Variants in LRRC63 observed in about 807,000 individuals in gnomAD.
LRRC63 encodes the protein leucine rich repeat containing 63, also known as leucine-rich repeat-containing protein 63.
LRRC63 carries 40 observed loss-of-function variants against 49.5 expected under a neutral mutation model. The observed-to-expected ratio is 0.81, with a 90% confidence interval of 0.63 to 1.05. The LOEUF (loss-of-function observed/expected upper bound fraction) is 1.05. Ranked by LOEUF, LRRC63 falls within the 50% of genes least tolerant of loss-of-function variation. The pLI is 0.00. For synonymous variants in LRRC63, 191 were observed against 221.1 expected (o/e 0.86, Z 1.21); for missense variants, 636 against 663.1 (o/e 0.96, Z 0.45).
At chr13:46,262,049 T>C (rs1276230363) in intron 8 of LRRC63, 57 bp downstream of exon 8, 1 of 526,758 alleles carries the variant, frequency 1.9e-6, no homozygotes, top group Non-Finnish European at 3.0e-6. Flanking sequence ...TTAATAATGA[T>C]TGTGATAGAG....
At chr13:46,270,294 A>G in intron 9 of LRRC63, 1 of 835,520 alleles carries the variant, frequency 1.2e-6, no homozygotes, top group Non-Finnish European at 2.1e-6. Context: ...ATCAGTCCCA[A>G]CTGTAGCAGA....
intron 4 of LRRC63, among the ~76,000 whole-genome samples, chr13:46,231,368 C>T (rs11841809): frequency 0.05 from 7,535 of 152,172 alleles, 382 homozygotes; most frequent in African/African-American, 0.13. Flanking sequence ...GCTATACAAG[C>T]GTAGTTATGG....
chr13:46,265,058 A>T (rs954959761), intron 8 of LRRC63, among the ~76,000 whole-genome samples: 5 of 152,092 alleles, frequency 3.3e-5, no homozygotes, highest in Admixed American at 3.3e-4. Context: ...TACTCGTGAG[A>T]CTGAGTCAGG....
chr13:46,213,240 C>G lies in LRRC63; in HGVS notation c.85+121C>G, dbSNP rs1172639241. On this transcript the variant is annotated intron_variant, in intron 2 of 9. Transcript: ENST00000595396. ...CTAATAACTTACAAATGTTTGTTGT[C>G]AGGTGATAACATCCAATTCAATTCC... 9 of 611,652 alleles carry G rather than the reference C, an allele frequency of 1.5e-5. No homozygotes were observed. The Admixed American group carries it at 2.1e-4, about 14-fold the overall frequency. The allele number at this position is 611,652 out of a possible 1,614,324, so 37.9% of individuals were successfully genotyped here.
intron 2 of LRRC63, among the ~76,000 whole-genome samples, chr13:46,219,153 G>C (rs2046336531): frequency 6.6e-6 from 1 of 152,114 alleles, no homozygotes; most frequent in Non-Finnish European, 1.5e-5. Context: ...GGTCTGTCTT[G>C]CTAGGTTGGG....
intron 5 of LRRC63, among the ~76,000 whole-genome samples, chr13:46,234,929 T>C (rs1325027713): frequency 6.6e-6 from 1 of 152,160 alleles, no homozygotes; most frequent in African/African-American, 2.4e-5. Context: ...TAAGTTTTAT[T>C]TTGAAATAAG....
intron 7 of LRRC63, among the ~76,000 whole-genome samples, chr13:46,251,790 G>A (rs751684899): frequency 6.6e-6 from 1 of 151,518 alleles, no homozygotes; most frequent in Non-Finnish European, 1.5e-5. Context: ...ATTCCTACTG[G>A]ATAATCTATA....
chr13:46,232,064 C>T (rs1248434625), intron 4 of LRRC63, among the ~76,000 whole-genome samples: 1 of 151,960 alleles, frequency 6.6e-6, no homozygotes, highest in Non-Finnish European at 1.5e-5. Flanking sequence ...ATCCGCCGGC[C>T]TCGGCCTCCC....
At chr13:46,241,452 A>C (rs2047060290) in intron 5 of LRRC63, among the ~76,000 whole-genome samples, 1 of 152,220 alleles carries the variant, frequency 6.6e-6, no homozygotes, top group Admixed American at 6.5e-5. Context: ...CAATTGCAAC[A>C]AAAGCAAAAA....
chr13:46,234,418 T>C, intron 5 of LRRC63, 69 bp downstream of exon 5: 2 of 1,434,886 alleles, frequency 1.4e-6, no homozygotes, highest in Non-Finnish European at 1.9e-6. Flanking sequence ...AATTTCCCAA[T>C]ATAGATTAGT....
chr13:46,212,644 G>GA (rs1306722635), intron 1 of LRRC63, among the ~76,000 whole-genome samples: 2 of 151,802 alleles, frequency 1.3e-5, no homozygotes, highest in Admixed American at 6.5e-5. Context: ...TGGAGAGAGA[G>GA]AAAAAAAATG....
rs548186675 is a variant in LRRC63, at chr13:46,216,438, G to A, written c.85+3319G>A. 9.9e-5 allele frequency among the ~76,000 whole-genome samples: 15 copies of A among 152,282 alleles called. No individual in the cohort carries two copies. The South Asian group carries it at 2.7e-3, about 27-fold the overall frequency. On this transcript the variant is annotated intron_variant, in intron 2 of 9. Transcript: ENST00000595396. ...CTGTTTGTCTGTTATTGGTGTATAC[G>A]AATGCCTGTGATTTTTACACATTGA... is the stretch of plus-strand genomic sequence containing the variant.
intron 2 of LRRC63, among the ~76,000 whole-genome samples, chr13:46,224,234 C>T (rs1235379729): frequency 1.3e-5 from 2 of 152,134 alleles, no homozygotes; most frequent in Non-Finnish European, 2.9e-5. Context: ...TATCACAAAG[C>T]CTTTGCGGAT....
At chr13:46,234,087 G>A (rs772669780) in intron 4 of LRRC63, 105 bp from the exon 5 acceptor site, 1 of 1,068,380 alleles carries the variant, frequency 9.4e-7, no homozygotes, top group Non-Finnish European at 1.3e-6. Context: ...GTACACTTAA[G>A]TCCTTAGGGT....
chr13:46,220,650 G>GAAAA (rs11441080), intron 2 of LRRC63, among the ~76,000 whole-genome samples: 2 of 139,356 alleles, frequency 1.4e-5, no homozygotes. Context: ...ACTGGGGTAT[G>GAAAA]AAAAAAAAAA....
chr13:46,234,287 G>A, exon 5 of LRRC63: 1 of 1,550,274 alleles, frequency 6.5e-7, no homozygotes, highest in Non-Finnish European at 8.7e-7. Flanking sequence ...AACAATAACA[G>A]CCATGACCAA....
At chr13:46,215,751 T>A (rs1298023550) in intron 2 of LRRC63, among the ~76,000 whole-genome samples, 5 of 152,200 alleles carry the variant, frequency 3.3e-5, no homozygotes, top group African/African-American at 1.2e-4. Flanking sequence ...TGGTTTTAGG[T>A]CTTACATTTA....
chr13:46,249,562 G>T (rs572122188), intron 6 of LRRC63, among the ~76,000 whole-genome samples: 3 of 151,800 alleles, frequency 2.0e-5, no homozygotes, highest in Non-Finnish European at 2.9e-5. Flanking sequence ...CACAAGAAAG[G>T]TCTTTAGAAA....
At chr13:46,220,004 T>G (rs1476594719) in intron 2 of LRRC63, among the ~76,000 whole-genome samples, 1 of 152,182 alleles carries the variant, frequency 6.6e-6, no homozygotes, top group Non-Finnish European at 1.5e-5. Context: ...ACCCACCAGA[T>G]GCCAGCTGGA....
Sources: allele counts gnomAD v4.1 joint callset (sites outside exome capture counted in the v4.1 genomes callset), GRCh38; gene constraint gnomAD v4.1.1; transcripts MANE v1.5; gene names NCBI Gene and HGNC (gene_info 2026-07-23, HGNC 2026-07-21).